Variants in USP4 observed in about 807,000 individuals in gnomAD.
USP4 encodes the protein ubiquitin carboxyl-terminal hydrolase 4.
In USP4, 72 loss-of-function variants were observed where a neutral mutation model predicts 118.2. The observed-to-expected ratio is 0.61, with a 90% CI of 0.50 to 0.74. The LOEUF (loss-of-function observed/expected upper bound fraction) is 0.74. USP4 is among the 30% of genes least tolerant of loss of function. The pLI is 0.00. For synonymous variants in USP4, 415 were observed against 440.4 expected (o/e 0.94, Z 0.72); for missense variants, 1,037 against 1,185.7 (o/e 0.87, Z 1.84).
rs1575606062 is a variant in USP4, at chr3:49,297,890, C to A, written c.1671G>T (p.Met557Ile). The A allele has an allele frequency of 3.1e-6, 5 of 1,614,044 alleles. No individual in the cohort carries two copies. The highest frequency in any genetic ancestry group is 1.6e-4 in the Middle Eastern group (1 of 6,062). ...CTCACACGAAAATGTCATCCCGAGG[C>A]ATGATGTGGTTTAAACCTTCATCCA... is the stretch of plus-strand genomic sequence containing the variant. ...FQMDEGLNHI[M>I]PRDDIFVYEV... is the part of the protein sequence containing the mutation. Residue 557 changes from methionine to isoleucine, a missense_variant, in exon 13 of 22, where the codon ATG (methionine) becomes ATT (isoleucine). Met to Ile is a conservative substitution (Grantham distance 10). Around this residue, in one of 3 missense-constraint regions of USP4, gnomAD observed 522 missense variants for 592.6 expected, o/e 0.88. Coordinates refer to ENST00000265560, the MANE Select transcript of USP4 (RefSeq NM_003363.4).
Position 49,339,908 on chromosome 3 carries a change from C to T in USP4, c.101+16G>A. The stretch of plus-strand genomic sequence containing the variant: ...CCCCTGGTTCTGCATAGAGGAAGAG[C>T]GAGCCGGGAGCTCACCACTGCGCCC... On this transcript the variant is annotated intron_variant, in intron 1 of 21. Coordinates refer to ENST00000265560, the MANE Select transcript of USP4 (RefSeq NM_003363.4). 6.2e-7 allele frequency: 1 copy of T among 1,608,882 alleles called. No homozygotes were observed. Among genetic ancestry groups the T allele is most frequent in the Non-Finnish European group, 8.5e-7 (1 of 1,176,970 alleles).
intron 13 of USP4, among the ~76,000 whole-genome samples, chr3:49,295,313 A>AAAAAAAAAAAAAAAAAAAAAAC (rs2047192751): frequency 6.6e-6 from 1 of 150,748 alleles, no homozygotes; most frequent in Non-Finnish European, 1.5e-5. Flanking sequence ...AAAAAAAAAA[A>AAAAAAAAAAAAAAAAAAAAAAC]AAAAGCATTG....
At chr3:49,295,216 G>C (rs1195380762) in intron 13 of USP4, among the ~76,000 whole-genome samples, 1 of 148,398 alleles carries the variant, frequency 6.7e-6, no homozygotes, top group Non-Finnish European at 1.5e-5. Context: ...GTGAACCCAG[G>C]AGGCGGAGCT....
At chr3:49,282,366 T>G (rs1415290854) in intron 19 of USP4, among the ~76,000 whole-genome samples, 52 of 151,584 alleles carry the variant, frequency 3.4e-4, no homozygotes, top group Non-Finnish European at 3.5e-4. Flanking sequence ...CCTCTGCCTC[T>G]TGGGTTCAAG....
chr3:49,300,539 T>G lies in USP4; in HGVS notation c.1440A>C (p.Pro480=). The part of the protein sequence containing the change: ...TFDPFCYLTL[P]LPLKKDRVME... ...TAACTCGATCTTTCTTCAAGGGCAG[T>G]GGCAGCGTTAGATAGCAAAATGGGT... Residue 480 remains proline (P), a synonymous_variant, in exon 11 of 22, where the codon CCA becomes CCC. Coordinates refer to ENST00000265560, the MANE Select transcript of USP4 (RefSeq NM_003363.4). 1.2e-6 allele frequency: 2 copies of G among 1,614,154 alleles called. No homozygotes were observed. The highest frequency in any genetic ancestry group is 1.7e-6 in the Non-Finnish European group (2 of 1,179,988).
chr3:49,310,065 C>G (rs1307110965), intron 8 of USP4, among the ~76,000 whole-genome samples: 1 of 143,072 alleles, frequency 7.0e-6, no homozygotes, highest in East Asian at 2.2e-4. Context: ...TCTCCTGCCT[C>G]AGCCTCCTGA....
chr3:49,281,316 C>T (rs1377382370), intron 19 of USP4, among the ~76,000 whole-genome samples: 4 of 151,422 alleles, frequency 2.6e-5, no homozygotes, highest in South Asian at 2.1e-4. Context: ...ATTAGCTGGG[C>T]GTGGTGGTGG....
At chr3:49,305,605 T>C (rs1389811960) in intron 9 of USP4, 110 bp downstream of exon 9, 1 of 1,005,236 alleles carries the variant, frequency 9.9e-7, no homozygotes, top group Non-Finnish European at 1.4e-6. Context: ...GTAAGCATAA[T>C]GTAAATACCA....
chr3:49,334,148 TG>T (rs986623003), intron 2 of USP4, among the ~76,000 whole-genome samples: 3 of 152,106 alleles, frequency 2.0e-5, no homozygotes, highest in African/African-American at 7.2e-5. Flanking sequence ...GTTGTAAAAA[TG>T]GAACTGACAG....
intron 11 of USP4, among the ~76,000 whole-genome samples, 164 bp from the exon 12 acceptor site, chr3:49,298,799 T>C (rs11720964): frequency 0.52 from 78,971 of 151,994 alleles, 21,941 homozygotes; most frequent in East Asian, 0.95. Context: ...GCAGGACCTC[T>C]ATGTCAGCAT....
intron 15 of USP4, among the ~76,000 whole-genome samples, chr3:49,291,295 A>G (rs2047148438): frequency 1.3e-5 from 2 of 148,246 alleles, no homozygotes; most frequent in Non-Finnish European, 3.0e-5. Flanking sequence ...AAAAAAAAAA[A>G]GCTGGGCACA....
At chr3:49,317,341 T>G (rs2047449814) in intron 6 of USP4, 7 of 1,264,932 alleles carry the variant, frequency 5.5e-6, no homozygotes, top group Non-Finnish European at 7.9e-6. Context: ...CTGCAGCCGC[T>G]GTTTCTTGTC....
chr3:49,327,825 G>C lies in USP4; in HGVS notation c.230-9C>G, dbSNP rs1199906860. 6.2e-7 allele frequency: 1 copy of C among 1,612,266 alleles called. No individual in the cohort carries two copies. The highest frequency in any genetic ancestry group is 8.5e-7 in the Non-Finnish European group (1 of 1,178,788). On this transcript the variant is annotated splice_polypyrimidine_tract_variant and intron_variant, in intron 2 of 21. Coordinates refer to ENST00000265560, the MANE Select transcript of USP4 (RefSeq NM_003363.4). ...GGTCTGACTCTCAGGATCTAAAAAAGGAAAAGAGCACATAAGTCACTGCTC... is the reference window on the plus strand; with the variant it reads ...GGTCTGACTCTCAGGATCTAAAAAACGAAAAGAGCACATAAGTCACTGCTC...
intron 14 of USP4, among the ~76,000 whole-genome samples, chr3:49,293,014 G>C (rs1409869499): frequency 6.6e-6 from 1 of 151,390 alleles, no homozygotes; most frequent in Non-Finnish European, 1.5e-5. Flanking sequence ...CCTGGGCAGA[G>C]AGCAACTCTG....
chr3:49,288,434 G>A (rs2047122174), intron 15 of USP4, among the ~76,000 whole-genome samples: 1 of 152,190 alleles, frequency 6.6e-6, no homozygotes, highest in Non-Finnish European at 1.5e-5. Flanking sequence ...CAGCACCTTG[G>A]GAGGCTGACG....
chr3:49,281,531 CATATATACATTTATATAT>C (rs1302307410), intron 19 of USP4, among the ~76,000 whole-genome samples: 1 of 135,400 alleles, frequency 7.4e-6, no homozygotes, highest in Admixed American at 7.9e-5. Context: ...CACACACACA[CATATATACATTTATATAT>C]ACACACACAC....
chr3:49,315,204 C>G (rs2047422777), intron 6 of USP4, among the ~76,000 whole-genome samples: 1 of 151,946 alleles, frequency 6.6e-6, no homozygotes, highest in Admixed American at 6.6e-5. Context: ...CAGAAAAAGC[C>G]AGGCATAGCA....
In USP4 at chr3:49,338,072, A is replaced by AAT. The variant is rs2047690764; in HGVS notation, c.101+1851_101+1852insAT. Among the ~76,000 whole-genome samples the AAT allele has an allele frequency of 3.6e-5, 5 of 139,332 alleles. No individual in the cohort carries two copies. In the East Asian group the frequency reaches 1.2e-3, roughly 33 times the overall value. The allele number at this position is 139,332 out of a possible 152,430, so 91.4% of individuals were successfully genotyped here. A position where few individuals can be genotyped will look rare whatever the true frequency, so the allele number is the denominator to read the frequency against. On this transcript the variant is annotated intron_variant, in intron 1 of 21. Coordinates refer to ENST00000265560, the MANE Select transcript of USP4 (RefSeq NM_003363.4). The stretch of plus-strand genomic sequence containing the variant: ...AAAAAAAAAAAAAAAAAAAAAAAAA[A>AAT]AGTATCTCTATGCTGTTTTACAATT...
intron 2 of USP4, among the ~76,000 whole-genome samples, chr3:49,332,049 G>C (rs1164614299): frequency 1.3e-5 from 2 of 151,890 alleles, no homozygotes; most frequent in African/African-American, 4.8e-5. Flanking sequence ...AAGGCGGGTG[G>C]ACCACCTGAG....
Sources: gnomAD v4.1 joint callset for allele counts (sites outside exome capture counted in the v4.1 genomes callset) on GRCh38, gnomAD v4.1.1 for gene constraint, gnomAD v4.1.1 regional missense constraint, MANE v1.5 for transcripts, NCBI Gene and HGNC (gene_info 2026-07-23, HGNC 2026-07-21) for gene names.